HERC2: variants seen among roughly 807,000 people sequenced by gnomAD.
The protein encoded by HERC2 is E3 ubiquitin-protein ligase HERC2.
HERC2 carries 102 observed loss-of-function variants against 537.7 expected under a neutral mutation model. The ratio of observed to expected loss-of-function variants is 0.19; its 90% CI spans 0.16 to 0.22. HERC2 has a LOEUF of 0.22. HERC2 is among the 10% of genes least tolerant of loss of function. The probability of loss-of-function intolerance (pLI) is 1.00; values close to 1 mark genes in which losing one functional copy is unlikely to be tolerated. For missense variants in HERC2, 4,236 were observed against 6,198.2 expected, an observed-to-expected ratio of 0.68 and a Z score of 10.63; for synonymous variants, 2,224 against 2,466.2, an observed-to-expected ratio of 0.90 and a Z score of 2.91.
At chr15:28,218,909 A>G (rs558514500) in intron 37 of HERC2, among the ~76,000 whole-genome samples, 1 of 152,200 alleles carries the variant, frequency 6.6e-6, no homozygotes, top group East Asian at 1.9e-4. Flanking sequence ...AGCTCACTGC[A>G]GCTTTGACCT....
chr15:28,191,273 CAGTT>C (rs1186485332), intron 53 of HERC2, 29 bp from the exon 54 acceptor site: 3 of 1,466,998 alleles, frequency 2.0e-6, no homozygotes, highest in Admixed American at 1.8e-5. Flanking sequence ...ACCACATTCT[CAGTT>C]AGCAAAATTC....
At chr15:28,134,134 A>T (rs757787117) in intron 79 of HERC2, among the ~76,000 whole-genome samples, 3 of 152,196 alleles carry the variant, frequency 2.0e-5, no homozygotes, top group African/African-American at 4.8e-5. Context: ...TAGGTTTTTT[A>T]AAAATTATCT....
At chr15:28,280,364 G>T in intron 4 of HERC2, 77 bp from the exon 5 acceptor site, 2 of 1,195,668 alleles carry the variant, frequency 1.7e-6, no homozygotes, top group Non-Finnish European at 2.4e-6. Context: ...GAAAATGGAT[G>T]ATGACGACAG....
chr15:28,198,890 G>T, intron 48 of HERC2, 121 bp from the exon 49 acceptor site: 2 of 942,228 alleles, frequency 2.1e-6, no homozygotes, highest in Non-Finnish European at 3.2e-6. Flanking sequence ...GCTCACGTCT[G>T]TAATCCTAGC....
At chr15:28,257,030 A>C in intron 17 of HERC2, 31 bp downstream of exon 17, 1 of 1,579,214 alleles carries the variant, frequency 6.3e-7, no homozygotes, top group Non-Finnish European at 8.7e-7. Context: ...ACACTTACAA[A>C]AGGAGGAAGA....
At chr15:28,308,488 T>C (rs1239601493) in intron 2 of HERC2, among the ~76,000 whole-genome samples, 4 of 152,232 alleles carry the variant, frequency 2.6e-5, no homozygotes, top group Non-Finnish European at 5.9e-5. Flanking sequence ...GATCATATCA[T>C]CTGCAAACAA....
At chr15:28,281,729 G>T (rs1331403579) in intron 4 of HERC2, among the ~76,000 whole-genome samples, 1 of 152,130 alleles carries the variant, frequency 6.6e-6, no homozygotes, top group Admixed American at 6.5e-5. Flanking sequence ...TTGCACACTG[G>T]GCTCAAGATG....
chr15:28,140,433 C>T (rs1356831804), intron 78 of HERC2, among the ~76,000 whole-genome samples: 3 of 152,206 alleles, frequency 2.0e-5, no homozygotes, highest in Non-Finnish European at 4.4e-5. Flanking sequence ...TACAAGAAAT[C>T]TTCACATATA....
intron 4 of HERC2, among the ~76,000 whole-genome samples, chr15:28,282,594 G>A (rs1221102625): frequency 6.6e-6 from 1 of 152,210 alleles, no homozygotes; most frequent in African/African-American, 2.4e-5. Flanking sequence ...AAGAATCAGT[G>A]ACATAGAAGA....
In HERC2 at chr15:28,299,465, C is replaced by T; in HGVS notation, c.124G>A (p.Asp42Asn). 3.1e-6 allele frequency: 5 copies of T among 1,593,968 alleles called. No individual in the cohort carries two copies. Among genetic ancestry groups the T allele is most frequent in the Non-Finnish European group, 4.3e-6 (5 of 1,161,890 alleles). ...GTTCCAGTGTATACAATTTCTCCAT[C>T]TTTAACCATTTCATTCCACAGACCA... ...LCGLWNEMVK[D>N]GEIVYTGTES... Residue 42 changes from aspartate to asparagine, a missense_variant, in exon 3 of 93, where the codon GAT (aspartate) becomes AAT (asparagine). This residue lies in a region of HERC2 where 13 missense variants were observed against 43.1 expected (regional missense o/e 0.30). Transcript: ENST00000261609.
rs1235494321 is a variant in HERC2 at position 28,218,642 on chromosome 15, G to A, written c.5875C>T (p.Pro1959Ser). ...GTGCTGGTAAACATCATTGCAGTGGGGTGAATGTTCCTTTCAGTTTGTTCG... is the reference window on the plus strand; with the variant it reads ...GTGCTGGTAAACATCATTGCAGTGGAGTGAATGTTCCTTTCAGTTTGTTCG... ...EAEQTERNIH[P>S]TAMMFTSTIN... The change falls in exon 38 of 93, where the codon CCC becomes TCC. Residue 1959 changes from proline (P) to serine (S), a missense_variant. This residue lies in a region of HERC2 where 365 missense variants were observed against 468.8 expected (regional missense o/e 0.78). Coordinates refer to ENST00000261609, the MANE Select transcript of HERC2 (RefSeq NM_004667.6). 3 of 1,587,158 alleles carry A rather than the reference G, an allele frequency of 1.9e-6. No homozygotes were observed. Among genetic ancestry groups the A allele is most frequent in the East Asian group, 4.5e-5 (2 of 44,804 alleles).
intron 68 of HERC2, among the ~76,000 whole-genome samples, chr15:28,167,089 G>C (rs1401633946): frequency 6.6e-6 from 1 of 152,204 alleles, no homozygotes; most frequent in Admixed American, 6.5e-5. Context: ...GAATCTTTAA[G>C]ATGCTAAAAA....
chr15:28,310,815 C>T (rs1009047864), intron 2 of HERC2, among the ~76,000 whole-genome samples: 19 of 152,118 alleles, frequency 1.2e-4, no homozygotes, highest in African/African-American at 4.1e-4. Flanking sequence ...CGGTGGCTGA[C>T]GCCTGTAATC....
rs1437128366 is a variant in HERC2 at position 28,294,513 on chromosome 15, A to G, written c.188-1491T>C. Among the ~76,000 whole-genome samples the G allele has an allele frequency of 4.0e-5, 6 of 149,806 alleles. No homozygotes were observed. The East Asian group carries it at 1.2e-3, about 29-fold the overall frequency. On this transcript the variant is annotated intron_variant, in intron 3 of 92. Coordinates refer to ENST00000261609, the MANE Select transcript of HERC2 (RefSeq NM_004667.6). Reference sequence around the variant, plus strand: ...TGCTGCCTTGACATTGGTAAAATCAAGAAGGCCTCAAATAGCCTAACCACA... The same window carrying G: ...TGCTGCCTTGACATTGGTAAAATCAGGAAGGCCTCAAATAGCCTAACCACA...
chr15:28,320,482 A>G (rs2077201537), intron 2 of HERC2: 2 of 152,320 alleles, frequency 1.3e-5, no homozygotes, highest in South Asian at 4.2e-4. Flanking sequence ...AAAAGAAAAA[A>G]AAAATTAGGA....
intron 30 of HERC2, among the ~76,000 whole-genome samples, chr15:28,232,054 C>A (rs1324656253): frequency 2.2e-4 from 34 of 152,264 alleles, no homozygotes; most frequent in Admixed American, 2.2e-3. Context: ...ACTGCTGTGA[C>A]TTCCGGATCC....
At chr15:28,194,411 A>C (rs1897150856) in intron 52 of HERC2, among the ~76,000 whole-genome samples, 1 of 150,694 alleles carries the variant, frequency 6.6e-6, no homozygotes, top group Non-Finnish European at 1.5e-5. Flanking sequence ...TCTACTAAAA[A>C]TACAAAAAAT....
At chr15:28,217,153 CACTG>C (rs1169737916) in intron 38 of HERC2, among the ~76,000 whole-genome samples, 6 of 152,208 alleles carry the variant, frequency 3.9e-5, no homozygotes, top group Non-Finnish European at 5.9e-5. Flanking sequence ...CACCAACCCT[CACTG>C]ACTTACACTG....
At chr15:28,230,604 T>TA (rs1295000517) in intron 30 of HERC2, 104 bp from the exon 31 acceptor site, 1 of 774,492 alleles carries the variant, frequency 1.3e-6, no homozygotes, top group African/African-American at 1.8e-5. Flanking sequence ...CTCATTCAAA[T>TA]AAACATCTGA....
Sources: gnomAD v4.1 joint callset for allele counts (sites outside exome capture counted in the v4.1 genomes callset) on GRCh38, gnomAD v4.1.1 for gene constraint, gnomAD v4.1.1 regional missense constraint, MANE v1.5 for transcripts, NCBI Gene and HGNC (gene_info 2026-07-23, HGNC 2026-07-21) for gene names.